The following UNC80 variants were observed in gnomAD, a reference collection of about 807,000 sequenced individuals.
UNC80 encodes protein unc-80 homolog.
UNC80 carries 164 observed loss-of-function variants against 384.6 expected under a neutral mutation model. The ratio of observed to expected loss-of-function variants is 0.43; its 90% CI spans 0.38 to 0.49. The LOEUF is 0.49. Among genes scored for constraint, UNC80 ranks in the 20% least tolerant of loss-of-function variants. UNC80 has a pLI of 0.00. For synonymous variants in UNC80, 1,486 were observed against 1,527.8 expected (o/e 0.97, Z 0.64); for missense variants, 3,330 against 4,143.0 (o/e 0.80, Z 5.39).
At position 209,998,052 on chromosome 2, in the gene UNC80, T is replaced by C. The variant is rs1379702338; in HGVS notation, c.*2457T>C. 6.6e-6 allele frequency: 1 copy of C among 152,148 alleles called. No homozygotes were observed. Among genetic ancestry groups the C allele is most frequent in the Non-Finnish European group, 1.5e-5 (1 of 68,022 alleles). The allele number at this position is 152,148 out of a possible 1,614,324, so 9.4% of individuals were successfully genotyped here. A position where few individuals can be genotyped will look rare whatever the true frequency, so the allele number is the denominator to read the frequency against. On this transcript the variant is annotated 3_prime_UTR_variant, in exon 65 of 65. Coordinates refer to ENST00000673920, the MANE Select transcript of UNC80 (RefSeq NM_001371986.1). ...TAATTACTACATATGATAAATGCAG[T>C]GTTGGTAATAGTAGATCATTTCTTA...
At position 209,820,291 on chromosome 2, in the gene UNC80, G is replaced by A. The variant is rs1389606658; in HGVS notation, c.1963-20G>A. The A allele has an allele frequency of 6.0e-6, 9 of 1,511,324 alleles. No individual in the cohort carries two copies. The East Asian group carries it at 2.2e-4, about 37-fold the overall frequency. The allele number at this position is 1,511,324 out of a possible 1,614,324, so 93.6% of individuals were successfully genotyped here. ...AGTGCAGGTAACTTAATCATGCTGT[G>A]TTTATCTTGTTTTCCTCAGGTAGTT... On this transcript the variant is annotated intron_variant, in intron 12 of 64. Coordinates refer to ENST00000673920, the MANE Select transcript of UNC80 (RefSeq NM_001371986.1).
At chr2:209,968,065 T>A (rs2092786254) in intron 52 of UNC80, 1 of 152,946 alleles carries the variant, frequency 6.5e-6, no homozygotes. Flanking sequence ...AATTCCAAGC[T>A]TTACAATAAT....
chr2:209,910,434 T>G (rs895856118), intron 29 of UNC80, among the ~76,000 whole-genome samples: 1 of 151,904 alleles, frequency 6.6e-6, no homozygotes, highest in Non-Finnish European at 1.5e-5. Context: ...TCTAATCAAG[T>G]CATTAAAAAA....
In UNC80 at chr2:209,924,774, ATT is replaced by A. The variant is rs35650336; in HGVS notation, c.5663-2055_5663-2054del. Among the ~76,000 whole-genome samples the A allele has an allele frequency of 4.3e-5, 6 of 140,798 alleles. No individual in the cohort carries two copies. In the East Asian group the frequency reaches 6.3e-4, roughly 15 times the overall value. 92.4% of individuals were successfully genotyped at this position (140,798 alleles called of 152,430 possible). Reference sequence around the variant, plus strand: ...CTACAATGTTAAATAATTGTTGCTGATTTTTTTTTTTTTTTGGAAAATGCCCT... The same window carrying A: ...CTACAATGTTAAATAATTGTTGCTGATTTTTTTTTTTTTGGAAAATGCCCT... On this transcript the variant is annotated intron_variant, in intron 35 of 64. Transcript: ENST00000673920.
At chr2:209,963,353 T>C (rs2092652941) in intron 51 of UNC80, among the ~76,000 whole-genome samples, 1 of 152,214 alleles carries the variant, frequency 6.6e-6, no homozygotes, top group African/African-American at 2.4e-5. Flanking sequence ...CATAGGAAAG[T>C]TTTTTGATTA....
chr2:209,805,431 G>A (rs1452234406), intron 7 of UNC80, among the ~76,000 whole-genome samples: 1 of 151,996 alleles, frequency 6.6e-6, no homozygotes, highest in South Asian at 2.1e-4. Context: ...TTATTTTTTT[G>A]CATAGTTTCT....
Position 209,930,961 on chromosome 2 carries a change from CT to C in UNC80, c.5908-4del. On this transcript the variant is annotated splice_polypyrimidine_tract_variant and splice_region_variant and intron_variant, in intron 37 of 64. Coordinates refer to ENST00000673920, the MANE Select transcript of UNC80 (RefSeq NM_001371986.1). ...AGGAAACATTAAAAATTCTGTTCTT[CT>C]TTCAGGATGAGTTAATGTACATGCT... 1 of 1,533,216 alleles carries C rather than the reference CT, an allele frequency of 6.5e-7. No individual in the cohort carries two copies. Among genetic ancestry groups the C allele is most frequent in the Non-Finnish European group, 8.8e-7 (1 of 1,136,278 alleles). 95.0% of individuals were successfully genotyped at this position (1,533,216 alleles called of 1,614,324 possible).
At chr2:209,875,394 A>G (rs930545056) in intron 23 of UNC80, among the ~76,000 whole-genome samples, 4 of 152,180 alleles carry the variant, frequency 2.6e-5, no homozygotes, top group African/African-American at 9.7e-5. Context: ...TAATGTACCT[A>G]AAGAATATGT....
chr2:209,775,288 C>T (rs1038810547), intron 2 of UNC80, among the ~76,000 whole-genome samples: 1 of 152,000 alleles, frequency 6.6e-6, no homozygotes, highest in Admixed American at 6.6e-5. Flanking sequence ...CTCCCTCCCT[C>T]CTTCCTGCTC....
intron 47 of UNC80, among the ~76,000 whole-genome samples, chr2:209,948,982 A>T (rs1288439025): frequency 6.6e-6 from 1 of 152,112 alleles, no homozygotes; most frequent in African/African-American, 2.4e-5. Flanking sequence ...TTTATTTTCT[A>T]AGTGTGATAG....
intron 7 of UNC80, among the ~76,000 whole-genome samples, chr2:209,807,106 A>G (rs1257363944): frequency 6.6e-6 from 1 of 152,232 alleles, no homozygotes; most frequent in Non-Finnish European, 1.5e-5. Flanking sequence ...TACAGAAAAA[A>G]TGTAAACACA....
At chr2:209,826,157 T>C in intron 14 of UNC80, 104 bp downstream of exon 14, 3 of 1,248,110 alleles carry the variant, frequency 2.4e-6, no homozygotes, top group Non-Finnish European at 3.2e-6. Flanking sequence ...AAAAATATTG[T>C]ATTTTGTAGG....
intron 1 of UNC80, among the ~76,000 whole-genome samples, chr2:209,772,883 A>G (rs891226153): frequency 2.6e-5 from 4 of 152,286 alleles, no homozygotes; most frequent in Admixed American, 2.0e-4. Flanking sequence ...ACCGAAAACC[A>G]TCGAGATCCA....
rs1185209236 is a variant in UNC80, at chr2:209,997,105, T to C, written c.*1510T>C. 1 of 152,202 alleles carries C rather than the reference T, an allele frequency of 6.6e-6. No homozygotes were observed. Among genetic ancestry groups the C allele is most frequent in the Non-Finnish European group, 1.5e-5 (1 of 68,026 alleles). 9.4% of individuals were successfully genotyped at this position (152,202 alleles called of 1,614,324 possible). A position where few individuals can be genotyped will look rare whatever the true frequency, so the allele number is the denominator to read the frequency against. On this transcript the variant is annotated 3_prime_UTR_variant, in exon 65 of 65. Coordinates refer to ENST00000673920, the MANE Select transcript of UNC80 (RefSeq NM_001371986.1). The stretch of plus-strand genomic sequence containing the variant: ...GTTAGAATTGCTTATTAAATAGGCA[T>C]ACTTTATACTGTGGTTTATAATTTC...
intron 4 of UNC80, among the ~76,000 whole-genome samples, chr2:209,783,234 A>G (rs1269178960): frequency 6.6e-6 from 1 of 152,164 alleles, no homozygotes; most frequent in Non-Finnish European, 1.5e-5. Flanking sequence ...GGATCCTTCT[A>G]GACTACCTGC....
chr2:209,958,563 G>A (rs1470211900), intron 49 of UNC80, among the ~76,000 whole-genome samples: 1 of 152,162 alleles, frequency 6.6e-6, no homozygotes, highest in Non-Finnish European at 1.5e-5. Flanking sequence ...ATTGCCTGGT[G>A]TGATGGTTAA....
chr2:209,946,282 A>T (rs182926869), intron 47 of UNC80, among the ~76,000 whole-genome samples: 1 of 151,842 alleles, frequency 6.6e-6, no homozygotes, highest in East Asian at 1.9e-4. Context: ...AGGCAGGAGG[A>T]TTGCTTAATC....
intron 7 of UNC80, chr2:209,808,799 C>CGCTACTCAGCGACCTCGTTGCCTCGGA: frequency 2.9e-6 from 1 of 339,278 alleles, no homozygotes. Flanking sequence ...GTTGCCTCTG[C>CGCTACTCAGCGACCTCGTTGCCTCGGA]CACCATGCCG....
At chr2:209,892,073 C>T (rs2086390748) in intron 26 of UNC80, among the ~76,000 whole-genome samples, 1 of 152,020 alleles carries the variant, frequency 6.6e-6, no homozygotes, top group Admixed American at 6.6e-5. Context: ...GTTTTAAGTG[C>T]ATTAGAGTTG....
Sources: gnomAD v4.1 joint callset for allele counts (sites outside exome capture counted in the v4.1 genomes callset) on GRCh38, gnomAD v4.1.1 for gene constraint, MANE v1.5 for transcripts, NCBI Gene and HGNC (gene_info 2026-07-23, HGNC 2026-07-21) for gene names.